The following STAT1 variants were observed in gnomAD, a reference collection of about 807,000 sequenced individuals.
STAT1 encodes signal transducer and activator of transcription 1, also known as signal transducer and activator of transcription 1-alpha/beta.
STAT1 carries 24 observed loss-of-function variants against 111.7 expected under a neutral mutation model. That is an observed-to-expected ratio of 0.21 (90% CI 0.16 to 0.30). The LOEUF is 0.30. Among genes scored for constraint, STAT1 ranks in the 10% least tolerant of loss-of-function variants. The pLI is 1.00. For synonymous variants in STAT1, 332 were observed against 326.5 expected, an observed-to-expected ratio of 1.02 and a Z score of -0.18; for missense variants, 351 against 911.9, an observed-to-expected ratio of 0.38 and a Z score of 7.92.
At chr2:191,010,063 A>G (rs1191677737) in intron 2 of STAT1, 59 bp from the exon 3 acceptor site, 3 of 1,594,486 alleles carry the variant, frequency 1.9e-6, no homozygotes, top group East Asian at 2.2e-5. Flanking sequence ...GCTCCAAAGA[A>G]AGCCTTCCTA....
intron 3 of STAT1, among the ~76,000 whole-genome samples, chr2:191,009,578 G>C (rs1158601779): frequency 2.0e-5 from 3 of 152,042 alleles, no homozygotes; most frequent in African/African-American, 4.8e-5. Flanking sequence ...TCCTAAGTTG[G>C]AAAATAATCG....
Position 191,006,180 on chromosome 2 carries a change from C to T in STAT1, c.372+1383G>A, listed in dbSNP as rs986423474. Among the ~76,000 whole-genome samples the T allele has an allele frequency of 6.6e-6, 1 of 152,170 alleles. No individual in the cohort carries two copies. Among genetic ancestry groups the T allele is most frequent in the Admixed American group, 6.5e-5 (1 of 15,272 alleles). On this transcript the variant is annotated intron_variant, in intron 5 of 24. Transcript: ENST00000361099. The surrounding 1 kb of genome is among the most constrained non-coding windows in gnomAD (Gnocchi z 4.6). Reference sequence around the variant, plus strand: ...CTATTAGAAATACAGAGGAGGCCCACGCATACTACTTTTAGGATGGAAGCC... The same window carrying T: ...CTATTAGAAATACAGAGGAGGCCCATGCATACTACTTTTAGGATGGAAGCC...
rs2125038036 is a variant in STAT1, at chr2:190,987,708, G to C, written c.1098-640C>G. On this transcript the variant is annotated intron_variant, in intron 12 of 24. Coordinates refer to ENST00000361099, the MANE Select transcript of STAT1 (RefSeq NM_007315.4). The surrounding 1 kb of genome is among the most constrained non-coding windows in gnomAD (Gnocchi z 4.0). ...TCCAGTGATTACTTTGTCATGTTCTGGCCAAATAATGTATCCGTGAGCGTC... is the reference window on the plus strand; with the variant it reads ...TCCAGTGATTACTTTGTCATGTTCTCGCCAAATAATGTATCCGTGAGCGTC... Among the ~76,000 whole-genome samples the C allele has an allele frequency of 6.6e-6, 1 of 152,228 alleles. No individual in the cohort carries two copies. The highest frequency in any genetic ancestry group is 2.1e-4 in the South Asian group (1 of 4,824).
Position 190,979,093 on chromosome 2 carries a change from G to C in STAT1, c.1728-92C>G. On this transcript the variant is annotated intron_variant, in intron 20 of 24. Coordinates refer to ENST00000361099, the MANE Select transcript of STAT1 (RefSeq NM_007315.4). The surrounding 1 kb of genome is among the most constrained non-coding windows in gnomAD (Gnocchi z 5.8). ...TACAAACCAAGAAAATGGCTGGAAT[G>C]TGAGAAAAAAAACCTACGGTAAAAA... 6.5e-7 allele frequency: 1 copy of C among 1,544,688 alleles called. No homozygotes were observed. The highest frequency in any genetic ancestry group is 8.9e-7 in the Non-Finnish European group (1 of 1,129,758).
chr2:191,000,481 G>GGCCTCT lies in STAT1; in HGVS notation c.462+587_462+592dup, dbSNP rs45627934. 0.022 allele frequency among the ~76,000 whole-genome samples: 3,347 copies of GGCCTCT among 152,152 alleles called. 192 individuals carry two copies. Among genetic ancestry groups the GGCCTCT allele is most frequent in the Admixed American group, 0.13 (1,958 of 15,270 alleles). On this transcript the variant is annotated intron_variant, in intron 6 of 24. Coordinates refer to ENST00000361099, the MANE Select transcript of STAT1 (RefSeq NM_007315.4). The surrounding 1 kb of genome is among the most constrained non-coding windows in gnomAD (Gnocchi z 4.8). The stretch of plus-strand genomic sequence containing the variant: ...CTGGAAGGCCTTTTCCACAAACACA[G>GGCCTCT]GCCTCTGTGAAAAAGAACTCCTCAA...
Position 191,000,307 on chromosome 2 carries a change from G to A in STAT1, c.463-603C>T, listed in dbSNP as rs45516995. 1.1e-4 allele frequency among the ~76,000 whole-genome samples: 17 copies of A among 152,266 alleles called. 1 individual carries two copies. Among genetic ancestry groups the A allele is most frequent in the African/African-American group, 3.6e-4 (15 of 41,544 alleles). ...GGCTATTTCTGGACTGGGCTCACTC[G>A]GTTTCTACTTTAATGAAATGTTTCC... On this transcript the variant is annotated intron_variant, in intron 6 of 24. Coordinates refer to ENST00000361099, the MANE Select transcript of STAT1 (RefSeq NM_007315.4). The surrounding 1 kb of genome is among the most constrained non-coding windows in gnomAD (Gnocchi z 4.8).
At chr2:190,994,534 G>A (rs1202356675) in intron 10 of STAT1, among the ~76,000 whole-genome samples, 2 of 152,124 alleles carry the variant, frequency 1.3e-5, no homozygotes, top group South Asian at 2.1e-4. Context: ...AGGGGAAGGA[G>A]GAGTGGAAGG....
At position 190,978,425 on chromosome 2, in the gene STAT1, G is replaced by C. The variant is rs1192816338; in HGVS notation, c.1873+431C>G. 3.2e-5 allele frequency: 8 copies of C among 250,344 alleles called. No individual in the cohort carries two copies. The South Asian group carries it at 4.0e-4, about 13-fold the overall frequency. 15.5% of individuals were successfully genotyped at this position (250,344 alleles called of 1,614,324 possible). ...GCTGCCACTCGTCCCAACAGGTCCT[G>C]CATCAACTCCCTGGCTGATGATGTG... On this transcript the variant is annotated intron_variant, in intron 21 of 24. Transcript: ENST00000361099. The surrounding 1 kb of genome is among the most constrained non-coding windows in gnomAD (Gnocchi z 6.1).
chr2:191,008,258 A>G (rs1245680651), intron 4 of STAT1, among the ~76,000 whole-genome samples: 1 of 152,242 alleles, frequency 6.6e-6, no homozygotes, highest in African/African-American at 2.4e-5. Context: ...ACAACTTCCA[A>G]TTACCTAAGC....
chr2:191,010,118 G>A, intron 2 of STAT1, 114 bp from the exon 3 acceptor site: 7 of 1,225,622 alleles, frequency 5.7e-6, no homozygotes, highest in Non-Finnish European at 8.1e-6. Context: ...CCAAAACATA[G>A]TTTGTCCCAG....
Position 190,997,300 on chromosome 2 carries a change from A to G in STAT1, c.785+556T>C, listed in dbSNP as rs1281206706. ...TTCCTTTGTCCTCCACAGAATTCTG[A>G]TGGCCTTTTGCTAGAGCACCTGGAT... On this transcript the variant is annotated intron_variant, in intron 9 of 24. Transcript: ENST00000361099. This position sits in a 1 kb window ranked among gnomAD's most constrained non-coding sequence, Gnocchi z 7.3. 6.6e-6 allele frequency among the ~76,000 whole-genome samples: 1 copy of G among 152,132 alleles called. No homozygotes were observed. The highest frequency in any genetic ancestry group is 1.5e-5 in the Non-Finnish European group (1 of 68,024).
In STAT1 at chr2:190,974,299, C is replaced by A. The variant is rs1003841591; in HGVS notation, c.2238+531G>T. On this transcript the variant is annotated intron_variant, in intron 24 of 24. Coordinates refer to ENST00000361099, the MANE Select transcript of STAT1 (RefSeq NM_007315.4). This position sits in a 1 kb window ranked among gnomAD's most constrained non-coding sequence, Gnocchi z 4.8. ...CTCATTAACTATTTCACTCCTTGAA[C>A]CTTTTACTCTTGGCAAGCCCTTCAC... Among the ~76,000 whole-genome samples the A allele has an allele frequency of 3.3e-5, 5 of 152,206 alleles. No individual in the cohort carries two copies. Among genetic ancestry groups the A allele is most frequent in the Admixed American group, 2.0e-4 (3 of 15,286 alleles).
Position 190,983,235 on chromosome 2 carries a change from G to A in STAT1, c.1446+407C>T, listed in dbSNP as rs369776143. On this transcript the variant is annotated intron_variant, in intron 17 of 24. Transcript: ENST00000361099. The surrounding 1 kb of genome is among the most constrained non-coding windows in gnomAD (Gnocchi z 5.7). ...GAACCTAGCCTCGTAGTTCCCTTAG[G>A]AGCAACAATTCATTATTTGCTAGTT... 1.3e-5 allele frequency among the ~76,000 whole-genome samples: 2 copies of A among 152,236 alleles called. No individual in the cohort carries two copies. The highest frequency in any genetic ancestry group is 3.9e-4 in the East Asian group (2 of 5,184).
At chr2:191,011,425 G>A (rs949801915) in intron 2 of STAT1, among the ~76,000 whole-genome samples, 4 of 152,202 alleles carry the variant, frequency 2.6e-5, no homozygotes, top group African/African-American at 9.6e-5. Flanking sequence ...GTGTGTGTGT[G>A]TGTGTTTAGT....
At chr2:190,972,313 G>T (rs559411346) in intron 24 of STAT1, among the ~76,000 whole-genome samples, 2 of 152,300 alleles carry the variant, frequency 1.3e-5, no homozygotes, top group African/African-American at 4.8e-5. Context: ...TTGGCTAAAG[G>T]CCTCTTGGAG....
In STAT1 at chr2:190,993,344, G is replaced by C; in HGVS notation, c.944+1717C>G. 1 of 974,404 alleles carries C rather than the reference G, an allele frequency of 1.0e-6. No individual in the cohort carries two copies. Among genetic ancestry groups the C allele is most frequent in the East Asian group, 2.6e-5 (1 of 38,592 alleles). 60.4% of individuals were successfully genotyped at this position (974,404 alleles called of 1,614,324 possible). On this transcript the variant is annotated intron_variant, in intron 10 of 24. Transcript: ENST00000361099. This position sits in a 1 kb window ranked among gnomAD's most constrained non-coding sequence, Gnocchi z 4.1. ...TCCTCTGTAATAACTGGAGATGACT[G>C]TTCGAAACCTTTCCTGTTCTGCTGT...
intron 15 of STAT1, 144 bp downstream of exon 15, chr2:190,985,475 A>G: frequency 1.3e-6 from 1 of 795,644 alleles, no homozygotes. Flanking sequence ...GTTGTCACAG[A>G]TATACCAAAT....
rs1691716698 is a variant in STAT1 at position 190,974,164 on chromosome 2, G to C, written c.2238+666C>G. Among the ~76,000 whole-genome samples, 1 of 151,928 alleles carries C rather than the reference G, an allele frequency of 6.6e-6. No homozygotes were observed. ...AAGCAAGCACAATCTTTAAGAGGAAGGATTTTAGGCTGAAAGGCAAACAAT... is the reference window on the plus strand; with the variant it reads ...AAGCAAGCACAATCTTTAAGAGGAACGATTTTAGGCTGAAAGGCAAACAAT... On this transcript the variant is annotated intron_variant, in intron 24 of 24. Transcript: ENST00000361099. This position sits in a 1 kb window ranked among gnomAD's most constrained non-coding sequence, Gnocchi z 4.8.
rs970962717 is a variant in STAT1 at position 190,995,220 on chromosome 2, C to T, written c.786-1G>A. ...CAGACTCTCCGCAACTATAGTGAAC[C>T]TGGGAAGACACAAGACACAGATGTC... On this transcript the variant is annotated splice_acceptor_variant, in intron 9 of 24. Transcript: ENST00000361099. LOFTEE classifies it high-confidence loss of function. The surrounding 1 kb of genome is among the most constrained non-coding windows in gnomAD (Gnocchi z 4.2). 6.2e-7 allele frequency: 1 copy of T among 1,613,832 alleles called. No homozygotes were observed. The highest frequency in any genetic ancestry group is 8.5e-7 in the Non-Finnish European group (1 of 1,179,928).
Sources: allele counts gnomAD v4.1 joint callset (sites outside exome capture counted in the v4.1 genomes callset), GRCh38; gene constraint gnomAD v4.1.1; non-coding constraint Gnocchi (gnomAD v3.1); transcripts MANE v1.5; gene names NCBI Gene and HGNC (gene_info 2026-07-23, HGNC 2026-07-21).